PLAA: variants seen among roughly 807,000 people sequenced by gnomAD.
PLAA encodes phospholipase A2 activating protein.
A neutral mutation model predicts 84.1 loss-of-function variants in PLAA; 48 were observed. The ratio of observed to expected loss-of-function variants is 0.57; its 90% CI spans 0.45 to 0.73. PLAA has a LOEUF of 0.73. Ranked by LOEUF, PLAA falls within the 30% of genes least tolerant of loss-of-function variation. The probability of loss-of-function intolerance (pLI) is 0.00; values close to 1 mark genes in which losing one functional copy is unlikely to be tolerated. For synonymous variants in PLAA, 392 were observed against 336.6 expected (o/e 1.16, Z -1.80); for missense variants, 903 against 954.7 (o/e 0.95, Z 0.71).
chr9:26,926,825 A>C (rs1008093212), intron 4 of PLAA, among the ~76,000 whole-genome samples: 1 of 152,152 alleles, frequency 6.6e-6, no homozygotes, highest in East Asian at 1.9e-4. Flanking sequence ...TGACCCCAAT[A>C]ATTTGTTTTC....
In PLAA at chr9:26,917,162, C is replaced by A; in HGVS notation, c.1421G>T (p.Gly474Val). Residue 474 changes from glycine (G) to valine (V), a missense_variant, in exon 10 of 14, where the codon GGT (glycine) becomes GTT (valine). By Grantham distance (109) the Gly-to-Val change is moderately radical (BLOSUM62 -3). Coordinates refer to ENST00000397292, the MANE Select transcript of PLAA (RefSeq NM_001031689.3). ...NPSFSDPFTG[G>V]GRYVPGSSGS... ...CGAAGAGCCCGGAACATACCGACCACCACCTGTGCATGCAAAATAAAGAAA... is the reference window on the plus strand; with the variant it reads ...CGAAGAGCCCGGAACATACCGACCAACACCTGTGCATGCAAAATAAAGAAA... The A allele has an allele frequency of 6.2e-7, 1 of 1,613,680 alleles. No individual in the cohort carries two copies. The highest frequency in any genetic ancestry group is 1.3e-5 in the African/African-American group (1 of 75,020).
At chr9:26,917,012 T>TG in intron 10 of PLAA, 85 bp downstream of exon 10, 1 of 1,079,698 alleles carries the variant, frequency 9.3e-7, no homozygotes, top group Non-Finnish European at 1.4e-6. Context: ...AATTACTGGA[T>TG]GACATCTCCA....
At chr9:26,930,478 A>G (rs1421094474) in intron 2 of PLAA, among the ~76,000 whole-genome samples, 1 of 152,120 alleles carries the variant, frequency 6.6e-6, no homozygotes, top group Non-Finnish European at 1.5e-5. Context: ...AGAAAGCCCC[A>G]TTAGCCTGGG....
In PLAA at chr9:26,907,685, G is replaced by A. The variant is rs113341928; in HGVS notation, c.1822+149C>T. The A allele has an allele frequency of 8.0e-5, 50 of 622,368 alleles. 3 individuals carry two copies. The highest frequency in any genetic ancestry group is 4.3e-4 in the African/African-American group (23 of 52,954). The allele number at this position is 622,368 out of a possible 1,614,324, so 38.6% of individuals were successfully genotyped here. ...AAACAAGATCATCAATTCCAGTAGT[G>A]TAGTGAACCCTTTTCGTGAAGATTT... is the stretch of plus-strand genomic sequence containing the variant. On this transcript the variant is annotated intron_variant, in intron 13 of 13. Coordinates refer to ENST00000397292, the MANE Select transcript of PLAA (RefSeq NM_001031689.3).
chr9:26,945,726 C>G (rs771131016), intron 1 of PLAA, among the ~76,000 whole-genome samples: 2 of 152,186 alleles, frequency 1.3e-5, no homozygotes, highest in Non-Finnish European at 2.9e-5. Flanking sequence ...AGCCTCAAAA[C>G]CTGCCCTCAC....
chr9:26,935,352 C>CTA, intron 1 of PLAA, 146 bp from the exon 2 acceptor site: 1 of 478,150 alleles, frequency 2.1e-6, no homozygotes, highest in Non-Finnish European at 3.6e-6. Flanking sequence ...TAAAATTGAA[C>CTA]CTTACATAAT....
chr9:26,930,931 A>G (rs1158373109), intron 2 of PLAA, among the ~76,000 whole-genome samples: 1 of 151,966 alleles, frequency 6.6e-6, no homozygotes, highest in Non-Finnish European at 1.5e-5. Flanking sequence ...TCTTCCACAA[A>G]TCAGTATGAT....
At chr9:26,937,719 A>T (rs1825406423) in intron 1 of PLAA, among the ~76,000 whole-genome samples, 1 of 152,176 alleles carries the variant, frequency 6.6e-6, no homozygotes. Flanking sequence ...TAAAGAAACC[A>T]AAAAGAAATT....
intron 7 of PLAA, among the ~76,000 whole-genome samples, chr9:26,922,262 A>C (rs1304682014): frequency 6.6e-6 from 1 of 151,478 alleles, no homozygotes; most frequent in Non-Finnish European, 1.5e-5. Context: ...CTTAATGGCA[A>C]ACTGTTTTTT....
chr9:26,926,686 T>A, intron 4 of PLAA, 126 bp from the exon 5 acceptor site: 1 of 602,132 alleles, frequency 1.7e-6, no homozygotes, highest in Non-Finnish European at 2.6e-6. Context: ...TAGAGAAATC[T>A]TTTTTTTTGT....
At chr9:26,944,093 G>A (rs752169155) in intron 1 of PLAA, among the ~76,000 whole-genome samples, 7 of 152,146 alleles carry the variant, frequency 4.6e-5, no homozygotes, top group Middle Eastern at 3.2e-3. Flanking sequence ...GGGTTCTGCC[G>A]CCATGAATAG....
intron 11 of PLAA, among the ~76,000 whole-genome samples, chr9:26,912,939 A>G (rs956822190): frequency 1.6e-4 from 25 of 152,164 alleles, no homozygotes; most frequent in Admixed American, 1.2e-3. Context: ...TCACATGCCA[A>G]GTGATGGACA....
chr9:26,933,815 T>G (rs1825270817), intron 2 of PLAA, among the ~76,000 whole-genome samples: 1 of 148,634 alleles, frequency 6.7e-6, no homozygotes, highest in African/African-American at 2.5e-5. Context: ...AAAAAAAAAT[T>G]TTTTGTTTTT....
rs965430433 is a variant in PLAA, at chr9:26,920,380, A to T, written c.1044T>A (p.Thr348=). ...TGATTAGACGAGTCTGTCCTTCTCT[A>T]GTACCTTAAAATAAAAATTTTAAGA... ...PGREHLNEPG[T]REGQTRLIRD... Residue 348 remains threonine (T), a synonymous_variant, in exon 8 of 14, where the codon ACT becomes ACA. Transcript: ENST00000397292. 4 of 1,582,876 alleles carry T rather than the reference A, an allele frequency of 2.5e-6. No homozygotes were observed. In the African/African-American group the frequency reaches 5.4e-5, roughly 21 times the overall value.
At position 26,928,420 on chromosome 9, in the gene PLAA, A is replaced by T. The variant is rs779243000; in HGVS notation, c.344-12T>A. 3 of 1,499,448 alleles carry T rather than the reference A, an allele frequency of 2.0e-6. No homozygotes were observed. Among genetic ancestry groups the T allele is most frequent in the Non-Finnish European group, 2.8e-6 (3 of 1,075,450 alleles). The allele number at this position is 1,499,448 out of a possible 1,614,324, so 92.9% of individuals were successfully genotyped here. On this transcript the variant is annotated splice_polypyrimidine_tract_variant and intron_variant, in intron 2 of 13. Coordinates refer to ENST00000397292, the MANE Select transcript of PLAA (RefSeq NM_001031689.3). ...TGATAGACTACAAACTAAGGAAAAA[A>T]CATCATTGGATAACACATTTTCATA...
chr9:26,930,517 C>T (rs1825146843), intron 2 of PLAA, among the ~76,000 whole-genome samples: 1 of 152,026 alleles, frequency 6.6e-6, no homozygotes, highest in Non-Finnish European at 1.5e-5. Flanking sequence ...GAACAGAGTC[C>T]CTTTATTAAT....
At chr9:26,946,264 T>G (rs564179287) in intron 1 of PLAA, among the ~76,000 whole-genome samples, 3 of 150,848 alleles carry the variant, frequency 2.0e-5, no homozygotes, top group Admixed American at 6.6e-5. Context: ...TCCTAACCTT[T>G]TTCTTCTTTT....
intron 1 of PLAA, among the ~76,000 whole-genome samples, chr9:26,937,980 T>C (rs1206061664): frequency 1.3e-5 from 2 of 151,804 alleles, no homozygotes; most frequent in Non-Finnish European, 2.9e-5. Context: ...AGAGAGAATA[T>C]CTGAAGAAAT....
chr9:26,916,343 C>G, intron 10 of PLAA: 2 of 986,940 alleles, frequency 2.0e-6, no homozygotes, highest in Middle Eastern at 1.0e-3. Flanking sequence ...TACAAGATAT[C>G]AAAAGCCATT....
Sources: gnomAD v4.1 joint callset for allele counts (sites outside exome capture counted in the v4.1 genomes callset) on GRCh38, gnomAD v4.1.1 for gene constraint, MANE v1.5 for transcripts, NCBI Gene and HGNC (gene_info 2026-07-23, HGNC 2026-07-21) for gene names.